DMXL1: variants seen among roughly 807,000 people sequenced by gnomAD.
The protein encoded by DMXL1 is dmX-like protein 1.
In DMXL1, 99 loss-of-function variants were observed where a neutral mutation model predicts 319.2. The observed-to-expected ratio is 0.31, with a 90% CI of 0.26 to 0.37. The LOEUF is 0.37. DMXL1 is among the 10% of genes least tolerant of loss of function. The pLI is 1.00. For synonymous variants in DMXL1, 1,385 were observed against 1,235.2 expected (o/e 1.12, Z -2.54); for missense variants, 3,745 against 3,595.6 (o/e 1.04, Z -1.06).
intron 5 of DMXL1, among the ~76,000 whole-genome samples, chr5:119,111,312 C>A (rs1759541064): frequency 6.6e-6 from 1 of 152,116 alleles, no homozygotes; most frequent in Admixed American, 6.6e-5. Context: ...ACTTGAAATG[C>A]AACTAGTCCA....
intron 38 of DMXL1, among the ~76,000 whole-genome samples, chr5:119,229,652 C>T (rs1361769806): frequency 6.6e-6 from 1 of 152,122 alleles, no homozygotes; most frequent in Non-Finnish European, 1.5e-5. Context: ...GCTTCACATT[C>T]CAAAAACATC....
chr5:119,196,522 T>G (rs554471052), intron 31 of DMXL1, 66 bp downstream of exon 31: 17 of 1,205,726 alleles, frequency 1.4e-5, no homozygotes, highest in East Asian at 1.2e-4. Flanking sequence ...GTTGTTTTTT[T>G]TTTTTTTTTT....
intron 39 of DMXL1, among the ~76,000 whole-genome samples, chr5:119,234,102 A>G (rs1787269623): frequency 6.6e-6 from 1 of 152,094 alleles, no homozygotes; most frequent in Non-Finnish European, 1.5e-5. Flanking sequence ...CACCTAAGAA[A>G]AAGTTTGCCA....
rs1774647574 is a variant in DMXL1, at chr5:119,171,894, T to C, written c.6606T>C (p.Ser2202=). The C allele has an allele frequency of 6.2e-7, 1 of 1,613,848 alleles. No homozygotes were observed. The highest frequency in any genetic ancestry group is 1.1e-5 in the South Asian group (1 of 91,062). Residue 2202 remains serine (S), a synonymous_variant, in exon 25 of 44, where the codon AGT becomes AGC. Coordinates refer to ENST00000539542, the MANE Select transcript of DMXL1 (RefSeq NM_001290321.3). ...TVVANPLLHL[S]NLTHDILHAI... is the part of the protein sequence containing the mutation. The stretch of plus-strand genomic sequence containing the variant: ...TTGCCAATCCATTATTGCACCTTAG[T>C]AATCTGACACATGATATTCTCCATG...
chr5:119,112,835 T>TA (rs1759958679), intron 5 of DMXL1, among the ~76,000 whole-genome samples: 1 of 151,964 alleles, frequency 6.6e-6, no homozygotes, highest in East Asian at 1.9e-4. Context: ...TGCATGCCTG[T>TA]AATCCCAGCT....
chr5:119,200,493 G>A (rs183557067), intron 32 of DMXL1, among the ~76,000 whole-genome samples: 5 of 152,202 alleles, frequency 3.3e-5, no homozygotes, highest in East Asian at 1.9e-4. Context: ...AGCATACATC[G>A]AAATCAGGTA....
At position 119,178,058 on chromosome 5, in the gene DMXL1, G is replaced by A; in HGVS notation, c.6949G>A (p.Val2317Ile). ...CGAGGAAGCCCAGTCAGGGCTTACAGTCTTGCTCTGTGAGATTCTCACAGC... is the reference window on the plus strand; with the variant it reads ...CGAGGAAGCCCAGTCAGGGCTTACAATCTTGCTCTGTGAGATTCTCACAGC... Reference protein sequence around the residue: ...SGEEAQSGLTVLLCEILTAVY... With the variant: ...SGEEAQSGLTILLCEILTAVY... The change falls in exon 28 of 44, where the codon GTC becomes ATC. Residue 2317 changes from valine to isoleucine, a missense_variant. Physicochemically the swap from Val to Ile is conservative, Grantham distance 29. This residue lies in a region of DMXL1 where 1,382 missense variants were observed against 1,269.5 expected (regional missense o/e 1.09). Coordinates refer to ENST00000539542, the MANE Select transcript of DMXL1 (RefSeq NM_001290321.3). 6.2e-7 allele frequency: 1 copy of A among 1,613,902 alleles called. No individual in the cohort carries two copies. The highest frequency in any genetic ancestry group is 8.5e-7 in the Non-Finnish European group (1 of 1,179,800).
chr5:119,241,324 G>T (rs947554221), intron 42 of DMXL1, among the ~76,000 whole-genome samples: 2 of 152,024 alleles, frequency 1.3e-5, no homozygotes, highest in Non-Finnish European at 2.9e-5. Context: ...GAGGTCAGGA[G>T]ATCTAGACAA....
intron 1 of DMXL1, among the ~76,000 whole-genome samples, chr5:119,089,039 T>C (rs1003226714): frequency 1.3e-5 from 2 of 151,756 alleles, no homozygotes; most frequent in African/African-American, 4.8e-5. Context: ...GAACTCCCTT[T>C]AGCATTTTTG....
In DMXL1 at chr5:119,168,051, G is replaced by T. The variant is rs555677619; in HGVS notation, c.5398+187G>T. On this transcript the variant is annotated intron_variant, in intron 23 of 43. Transcript: ENST00000539542. ...AATCCTTTGAAAACAAAGAACGTTG[G>T]ATTTTCTGTTTTTACAAAATAGATT... Among the ~76,000 whole-genome samples, 13 of 152,136 alleles carry T rather than the reference G, an allele frequency of 8.5e-5. No individual in the cohort carries two copies. In the East Asian group the frequency reaches 2.1e-3, roughly 25 times the overall value.
In DMXL1 at chr5:119,150,149, A is replaced by T; in HGVS notation, c.4322A>T (p.Glu1441Val). 1 of 1,613,846 alleles carries T rather than the reference A, an allele frequency of 6.2e-7. No individual in the cohort carries two copies. The highest frequency in any genetic ancestry group is 8.5e-7 in the Non-Finnish European group (1 of 1,179,884). The change falls in exon 18 of 44, where the codon GAA becomes GTA. Residue 1441 changes from glutamate to valine, a missense_variant. This residue lies in a region of DMXL1 where 2,096 missense variants were observed against 1,985.4 expected (regional missense o/e 1.06). Transcript: ENST00000539542. ...AGTAAATCAAACCAATTATCTAAAG[A>T]AAGTTATGATGAGCTTTTTCAGACT... is the stretch of plus-strand genomic sequence containing the variant. ...TLSKSNQLSK[E>V]SYDELFQTQL...
intron 1 of DMXL1, among the ~76,000 whole-genome samples, chr5:119,090,042 A>C (rs1387717299): frequency 5.1e-5 from 2 of 39,234 alleles, no homozygotes; most frequent in Admixed American, 3.8e-4. Context: ...TTTTTTGAGA[A>C]GGACTTTCGC....
rs538953053 is a variant in DMXL1 at position 119,198,050 on chromosome 5, A to G, written c.7745+94A>G. On this transcript the variant is annotated intron_variant, in intron 32 of 43. Transcript: ENST00000539542. Reference sequence around the variant, plus strand: ...GTCATCCGGGCTGGAGTGCAGTGGCACAATCTCAGCTCACTGCAGCCTCTG... The same window carrying G: ...GTCATCCGGGCTGGAGTGCAGTGGCGCAATCTCAGCTCACTGCAGCCTCTG... 27 of 1,195,630 alleles carry G rather than the reference A, an allele frequency of 2.3e-5. No homozygotes were observed. The South Asian group carries it at 3.5e-4, about 16-fold the overall frequency. 74.1% of individuals were successfully genotyped at this position (1,195,630 alleles called of 1,614,324 possible).
chr5:119,116,756 T>G (rs1156648925), intron 7 of DMXL1, among the ~76,000 whole-genome samples: 1 of 152,204 alleles, frequency 6.6e-6, no homozygotes, highest in East Asian at 1.9e-4. Context: ...TAAGAGGATA[T>G]ATCATGAGTT....
Position 119,151,968 on chromosome 5 carries a change from T to C in DMXL1, c.4634T>C (p.Leu1545Ser), listed in dbSNP as rs781107529. The change falls in exon 19 of 44, where the codon TTG (leucine) becomes TCG (serine). Residue 1545 changes from leucine to serine, a missense_variant. Transcript: ENST00000539542. ...TLDECGLKFL[L>S]AVRLHTFLTT... ...GATGAATGTGGGTTAAAATTTCTTT[T>C]GGCTGTTCGACTCCATACCTTTCTT... The C allele has an allele frequency of 6.2e-7, 1 of 1,613,310 alleles. No homozygotes were observed. The highest frequency in any genetic ancestry group is 8.5e-7 in the Non-Finnish European group (1 of 1,179,544).
chr5:119,093,437 C>T (rs1332498418), intron 1 of DMXL1, among the ~76,000 whole-genome samples: 1 of 152,080 alleles, frequency 6.6e-6, no homozygotes, highest in Non-Finnish European at 1.5e-5. Context: ...TGCCTGGCCC[C>T]TTTTAAAATT....
chr5:119,187,946 G>C (rs1398002460), intron 28 of DMXL1, among the ~76,000 whole-genome samples: 1 of 152,116 alleles, frequency 6.6e-6, no homozygotes, highest in Non-Finnish European at 1.5e-5. Flanking sequence ...GTAAGCCACC[G>C]CACCCAGCCA....
intron 28 of DMXL1, 57 bp downstream of exon 28, chr5:119,178,301 C>T (rs1350353167): frequency 3.9e-6 from 6 of 1,530,046 alleles, no homozygotes; most frequent in South Asian, 1.2e-5. Context: ...TGATATCATT[C>T]TCAAACGTAA....
chr5:119,119,047 T>A, intron 8 of DMXL1, 43 bp downstream of exon 8: 1 of 1,368,190 alleles, frequency 7.3e-7, no homozygotes. Flanking sequence ...TTTTAAAACC[T>A]TTGGTACATT....
Sources: gnomAD v4.1 joint callset for allele counts (sites outside exome capture counted in the v4.1 genomes callset) on GRCh38, gnomAD v4.1.1 for gene constraint, gnomAD v4.1.1 regional missense constraint, MANE v1.5 for transcripts, NCBI Gene and HGNC (gene_info 2026-07-23, HGNC 2026-07-21) for gene names.